STAU1: variants seen among roughly 807,000 people sequenced by gnomAD.
STAU1 encodes the protein staufen double-stranded RNA binding protein 1.
STAU1 carries 13 observed loss-of-function variants against 62.9 expected under a neutral mutation model. That is an observed-to-expected ratio of 0.21 (90% CI 0.13 to 0.33). The LOEUF (loss-of-function observed/expected upper bound fraction) is 0.33. Among genes scored for constraint, STAU1 ranks in the 10% least tolerant of loss-of-function variants. STAU1 has a pLI of 1.00. For missense variants in STAU1, 571 were observed against 712.1 expected (o/e 0.80, Z 2.25); for synonymous variants, 269 against 265.1 (o/e 1.01, Z -0.14).
At chr20:49,204,925 C>T in the STAU1 span, among the ~76,000 whole-genome samples, 1 of 151,922 alleles carries the variant, frequency 6.6e-6, no homozygotes, top group East Asian at 1.9e-4. Context: ...GTTGGGATTA[C>T]AGGCGTGAGC....
At chr20:49,218,873 C>T in the STAU1 span, among the ~76,000 whole-genome samples, 2 of 151,754 alleles carry the variant, frequency 1.3e-5, no homozygotes, top group African/African-American at 2.4e-5. Flanking sequence ...GAAACTCCGC[C>T]GGGCGTGGTG....
At chr20:49,197,069 A>C in the STAU1 span, among the ~76,000 whole-genome samples, 3 of 151,744 alleles carry the variant, frequency 2.0e-5, no homozygotes, top group Non-Finnish European at 4.4e-5. Context: ...GCAGGAGAAT[A>C]GCTTGAACGC....
At chr20:49,125,200 A>AAAAAAAAAAC (rs2092573677) in intron 6 of STAU1, among the ~76,000 whole-genome samples, 1 of 42,728 alleles carries the variant, frequency 2.3e-5, no homozygotes, top group African/African-American at 2.4e-4. Context: ...CATTTTTGCA[A>AAAAAAAAAAC]AAAAAAAAAA....
At chr20:49,146,157 T>G (rs1222042501) in intron 5 of STAU1, among the ~76,000 whole-genome samples, 2 of 151,878 alleles carry the variant, frequency 1.3e-5, no homozygotes, top group East Asian at 3.9e-4. Flanking sequence ...TCCTAGCTAC[T>G]TGGGAGGCTG....
chr20:49,218,565 C>A, the STAU1 span, among the ~76,000 whole-genome samples: 22,160 of 108,504 alleles, frequency 0.2, 1,682 homozygotes, highest in Non-Finnish European at 0.21. Flanking sequence ...AACAAACAAA[C>A]AAAAAAAACA....
chr20:49,130,237 T>C (rs1419912943), intron 6 of STAU1, among the ~76,000 whole-genome samples: 1 of 152,186 alleles, frequency 6.6e-6, no homozygotes, highest in Non-Finnish European at 1.5e-5. Flanking sequence ...TTTCCATTTA[T>C]GTAATATTCT....
chr20:49,211,008 C>T, the STAU1 span, among the ~76,000 whole-genome samples: 1 of 152,110 alleles, frequency 6.6e-6, no homozygotes, highest in African/African-American at 2.4e-5. Flanking sequence ...TACCAATCTG[C>T]TTCCTGTTTA....
intron 1 of STAU1, among the ~76,000 whole-genome samples, chr20:49,178,004 C>T (rs993157198): frequency 6.6e-6 from 1 of 151,256 alleles, no homozygotes; most frequent in African/African-American, 2.4e-5. Flanking sequence ...AGAGGAAGAC[C>T]CCATCTCTCC....
intron 5 of STAU1, among the ~76,000 whole-genome samples, chr20:49,145,423 C>CA (rs35023867): frequency 1.7e-4 from 7 of 40,180 alleles, no homozygotes; most frequent in Admixed American, 4.3e-4. Context: ...GACTCCGTCT[C>CA]AAAAAAAAAA....
the STAU1 span, among the ~76,000 whole-genome samples, chr20:49,207,580 ATC>A: frequency 6.6e-6 from 1 of 151,660 alleles, no homozygotes; most frequent in African/African-American, 2.4e-5. Context: ...CAGTGGTGTG[ATC>A]TCGGCTCACT....
intron 1 of STAU1, among the ~76,000 whole-genome samples, chr20:49,183,927 C>T (rs1229731241): frequency 2.0e-5 from 3 of 151,334 alleles, no homozygotes; most frequent in Admixed American, 6.6e-5. Context: ...GTGAAGTATA[C>T]ATGCCTTTTT....
chr20:49,130,102 G>T (rs1209976478), intron 6 of STAU1, among the ~76,000 whole-genome samples: 7 of 146,860 alleles, frequency 4.8e-5, no homozygotes, highest in South Asian at 2.2e-4. Context: ...TAGATACACT[G>T]TAGTGTGTAC....
intron 5 of STAU1, among the ~76,000 whole-genome samples, chr20:49,148,097 C>T (rs1223129482): frequency 6.6e-6 from 1 of 152,150 alleles, no homozygotes; most frequent in Non-Finnish European, 1.5e-5. Context: ...CCCCTACTGC[C>T]TGCTATCAGA....
At chr20:49,139,653 G>A (rs2092964543) in intron 5 of STAU1, among the ~76,000 whole-genome samples, 2 of 151,750 alleles carry the variant, frequency 1.3e-5, no homozygotes, top group South Asian at 2.1e-4. Flanking sequence ...TTGAACCCAG[G>A]AGGCAGAGAT....
intron 3 of STAU1, among the ~76,000 whole-genome samples, chr20:49,163,190 CA>C (rs200064503): frequency 0.049 from 6,538 of 134,270 alleles, 275 homozygotes; most frequent in East Asian, 0.17. Flanking sequence ...GACTCCATTT[CA>C]AAAAAAAAAA....
chr20:49,162,317 T>G (rs1394493241), intron 3 of STAU1, among the ~76,000 whole-genome samples: 1 of 152,230 alleles, frequency 6.6e-6, no homozygotes, highest in Non-Finnish European at 1.5e-5. Flanking sequence ...AAACAGTCTG[T>G]GCCTTTTCCT....
chr20:49,142,229 GGCACA>G (rs2093024672), intron 5 of STAU1, among the ~76,000 whole-genome samples: 2 of 152,050 alleles, frequency 1.3e-5, no homozygotes, highest in African/African-American at 4.8e-5. Flanking sequence ...TGGGACTACA[GGCACA>G]AGCCACCATG....
At chr20:49,177,641 T>C (rs1449014679) in intron 1 of STAU1, among the ~76,000 whole-genome samples, 1 of 151,694 alleles carries the variant, frequency 6.6e-6, no homozygotes, top group Admixed American at 6.6e-5. Flanking sequence ...ATCACACCAC[T>C]GCACTCCAGC....
intron 3 of STAU1, chr20:49,158,617 C>T: frequency 1.3e-6 from 1 of 774,958 alleles, no homozygotes; most frequent in Non-Finnish European, 1.9e-6. Flanking sequence ...CGAGACCAGC[C>T]TGGCCTACAT....
Sources: gnomAD v4.1 joint callset for allele counts (sites outside exome capture counted in the v4.1 genomes callset) on GRCh38, gnomAD v4.1.1 for gene constraint, MANE v1.5 for transcripts, NCBI Gene and HGNC (gene_info 2026-07-23, HGNC 2026-07-21) for gene names.